The following SVOPL variants were observed in gnomAD, a reference collection of about 807,000 sequenced individuals.
SVOPL encodes putative transporter SVOPL.
SVOPL carries 60 observed loss-of-function variants against 61.0 expected under a neutral mutation model. That is an observed-to-expected ratio of 0.98 (90% confidence interval 0.80 to 1.22). SVOPL has a LOEUF of 1.22. Ranked by LOEUF, SVOPL falls within the 50% of genes most tolerant of loss-of-function variation. The pLI, the probability that SVOPL is intolerant of heterozygous loss-of-function variation, is 0.00. For missense variants in SVOPL, 662 were observed against 643.9 expected (o/e 1.03, Z -0.30); for synonymous variants, 279 against 250.0 (o/e 1.12, Z -1.09).
In SVOPL at chr7:138,693,564, A is replaced by AGAAAGAAAGAAAAAAG. The variant is rs1563140855; in HGVS notation, c.-35+7598_-35+7613dup. Among the ~76,000 whole-genome samples, 327 of 91,310 alleles carry AGAAAGAAAGAAAAAAG rather than the reference A, an allele frequency of 3.6e-3. 2 individuals are homozygous for AGAAAGAAAGAAAAAAG. Among genetic ancestry groups the AGAAAGAAAGAAAAAAG allele is most frequent in the African/African-American group, 0.015 (310 of 20,160 alleles). 59.9% of individuals were successfully genotyped at this position (91,310 alleles called of 152,430 possible). On this transcript the variant is annotated intron_variant, in intron 1 of 15. Transcript: ENST00000674285. ...AAGAAAGAAAGAAAGAAAGAAAGAA[A>AGAAAGAAAGAAAAAAG]GAAAGAAAGAAAAAAGGAAAGAAAG...
At chr7:138,658,057 G>A (rs144603992) in intron 6 of SVOPL, among the ~76,000 whole-genome samples, 2 of 152,260 alleles carry the variant, frequency 1.3e-5, no homozygotes, top group Non-Finnish European at 2.9e-5. Flanking sequence ...CGCTTTGGTC[G>A]CCATCTTGGT....
chr7:138,684,820 C>A (rs1802768906), intron 1 of SVOPL, among the ~76,000 whole-genome samples: 1 of 152,146 alleles, frequency 6.6e-6, no homozygotes. Context: ...CTCCCATGTT[C>A]ACTACAGCAT....
intron 4 of SVOPL, among the ~76,000 whole-genome samples, chr7:138,669,208 TGA>T (rs1428094931): frequency 2.0e-5 from 3 of 152,216 alleles, no homozygotes; most frequent in Admixed American, 1.3e-4. Context: ...CCCAACACTT[TGA>T]GAGGCCTAGG....
In SVOPL at chr7:138,629,532, G is replaced by A. The variant is rs542817583; in HGVS notation, c.863+517C>T. The stretch of plus-strand genomic sequence containing the variant: ...GCTGGGATTATAGGCGTGAGCCACC[G>A]TACCCGGCCTTCTTCATGATACCTT... On this transcript the variant is annotated intron_variant, in intron 10 of 15. Coordinates refer to ENST00000674285, the MANE Select transcript of SVOPL (RefSeq NM_001139456.2). Among the ~76,000 whole-genome samples, 7 of 152,246 alleles carry A rather than the reference G, an allele frequency of 4.6e-5. No individual in the cohort carries two copies. In the South Asian group the frequency reaches 6.2e-4, roughly 14 times the overall value.
intron 14 of SVOPL, among the ~76,000 whole-genome samples, chr7:138,605,496 T>C (rs1489780124): frequency 1.3e-5 from 2 of 151,944 alleles, no homozygotes; most frequent in Admixed American, 1.3e-4. Context: ...ACCCGGTCTC[T>C]ACTAAAAATA....
intron 9 of SVOPL, among the ~76,000 whole-genome samples, chr7:138,639,687 C>T (rs114018054): frequency 0.016 from 2,378 of 151,900 alleles, 66 homozygotes; most frequent in African/African-American, 0.054. Flanking sequence ...AAAAAAATCA[C>T]CTATAGCTTT....
intron 1 of SVOPL, among the ~76,000 whole-genome samples, chr7:138,692,305 C>T (rs192883154): frequency 1.3e-5 from 2 of 152,212 alleles, no homozygotes; most frequent in East Asian, 1.9e-4. Context: ...AGCAGTATCA[C>T]GTTGTTTAAA....
rs562489887 is a variant in SVOPL, at chr7:138,628,251, C to A, written c.976G>T (p.Asp326Tyr). The A allele has an allele frequency of 3.1e-6, 5 of 1,613,828 alleles. No homozygotes were observed. The highest frequency in any genetic ancestry group is 1.7e-5 in the Admixed American group (1 of 59,960). Residue 326 changes from aspartate to tyrosine, a missense_variant, in exon 11 of 16, where the codon GAC (aspartate) becomes TAC (tyrosine). Transcript: ENST00000674285. ...CAGGGGCTCTGGCTCTCCCCTGAGT[C>A]CCCCCCAGTCACCACCACCGCAGAG... ...SDSAVVVTGGDSGESQSPCYC... is the reference protein window; with the variant it reads ...SDSAVVVTGGYSGESQSPCYC...
At chr7:138,676,768 C>T (rs1464539887) in intron 3 of SVOPL, among the ~76,000 whole-genome samples, 1 of 152,132 alleles carries the variant, frequency 6.6e-6, no homozygotes, top group Non-Finnish European at 1.5e-5. Flanking sequence ...CCCAATACTT[C>T]CATTTCTATC....
At chr7:138,674,822 C>T (rs1361628550) in intron 3 of SVOPL, among the ~76,000 whole-genome samples, 1 of 150,328 alleles carries the variant, frequency 6.7e-6, no homozygotes. Flanking sequence ...CGCCACTGCA[C>T]TCCAGCCTGG....
chr7:138,625,917 A>C, intron 13 of SVOPL, 52 bp downstream of exon 13: 1 of 1,582,832 alleles, frequency 6.3e-7, no homozygotes, highest in African/African-American at 1.3e-5. Flanking sequence ...TGGACATCCT[A>C]AGTAGCTCAC....
At chr7:138,697,216 A>G (rs913732362) in intron 1 of SVOPL, among the ~76,000 whole-genome samples, 1 of 152,136 alleles carries the variant, frequency 6.6e-6, no homozygotes, top group African/African-American at 2.4e-5. Context: ...TACAAAAATA[A>G]TACTACTACT....
chr7:138,660,275 C>T (rs980922895), intron 5 of SVOPL: 140 of 1,134,532 alleles, frequency 1.2e-4, no homozygotes, highest in Non-Finnish European at 1.2e-4. Context: ...AAGGCAAAAA[C>T]GTGTCCTCCC....
At chr7:138,622,230 CTA>C (rs1799683493) in intron 13 of SVOPL, among the ~76,000 whole-genome samples, 1 of 114,768 alleles carries the variant, frequency 8.7e-6, no homozygotes, top group African/African-American at 3.5e-5. Flanking sequence ...ATGTATCTAT[CTA>C]TGTATCTATC....
At chr7:138,645,120 G>T (rs1801031047) in intron 8 of SVOPL, among the ~76,000 whole-genome samples, 1 of 152,050 alleles carries the variant, frequency 6.6e-6, no homozygotes, top group South Asian at 2.1e-4. Context: ...TTGACATAAT[G>T]AAATTCTCAC....
intron 8 of SVOPL, among the ~76,000 whole-genome samples, chr7:138,647,495 A>G (rs1372972945): frequency 2.6e-5 from 4 of 152,082 alleles, no homozygotes; most frequent in Non-Finnish European, 5.9e-5. Flanking sequence ...TGCTCAACAT[A>G]GGAAAGACTT....
At chr7:138,607,829 T>C (rs1798823273) in intron 14 of SVOPL, among the ~76,000 whole-genome samples, 1 of 151,976 alleles carries the variant, frequency 6.6e-6, no homozygotes, top group African/African-American at 2.4e-5. Flanking sequence ...TAAATAGAAA[T>C]CGCAGAAGGG....
At position 138,628,213 on chromosome 7, in the gene SVOPL, C is replaced by T. The variant is rs768813951; in HGVS notation, c.1014G>A (p.Met338Ile). 2.0e-5 allele frequency: 33 copies of T among 1,614,080 alleles called. No homozygotes were observed. The highest frequency in any genetic ancestry group is 1.3e-4 in the Admixed American group (8 of 60,000). ...TGGTCCGATAGTCAGAGGGTGCAAACATGTGGCAGTAGCAGGGGCTCTGGC... is the reference window on the plus strand; with the variant it reads ...TGGTCCGATAGTCAGAGGGTGCAAATATGTGGCAGTAGCAGGGGCTCTGGC... The part of the protein sequence containing the change: ...GESQSPCYCH[M>I]FAPSDYRTMI... The change falls in exon 11 of 16, where the codon ATG (methionine) becomes ATA (isoleucine). Residue 338 changes from methionine (M) to isoleucine (I), a missense_variant. Met to Ile is a conservative substitution (Grantham distance 10). Coordinates refer to ENST00000674285, the MANE Select transcript of SVOPL (RefSeq NM_001139456.2).
chr7:138,684,973 C>T (rs1802773466), intron 1 of SVOPL, among the ~76,000 whole-genome samples: 1 of 146,582 alleles, frequency 6.8e-6, no homozygotes, highest in Non-Finnish European at 1.5e-5. Context: ...ATTCTTGTTG[C>T]CCAGGCTAGA....
Sources: gnomAD v4.1 joint callset for allele counts (sites outside exome capture counted in the v4.1 genomes callset) on GRCh38, gnomAD v4.1.1 for gene constraint, MANE v1.5 for transcripts, NCBI Gene and HGNC (gene_info 2026-07-23, HGNC 2026-07-21) for gene names.